The following CFHR5 variants were observed in gnomAD, a reference collection of about 807,000 sequenced individuals.
CFHR5 encodes complement factor H related 5.
A neutral mutation model predicts 62.9 loss-of-function variants in CFHR5; 73 were observed. The ratio of observed to expected loss-of-function variants is 1.16; its 90% CI spans 0.96 to 1.41. The LOEUF is 1.41. Among genes scored for constraint, CFHR5 ranks in the 40% most tolerant of loss-of-function variants. The pLI, the probability that CFHR5 is intolerant of heterozygous loss-of-function variation, is 0.00. For missense variants in CFHR5, 779 were observed against 679.9 expected (o/e 1.15, Z -1.62); for synonymous variants, 249 against 227.2 (o/e 1.10, Z -0.86).
upstream of CFHR5, among the ~76,000 whole-genome samples, chr1:196,975,931 G>T (rs1653386930): frequency 6.6e-6 from 1 of 152,102 alleles, no homozygotes; most frequent in South Asian, 2.1e-4. Flanking sequence ...ACAGTGATGA[G>T]CCATGGAATC....
chr1:197,002,627 T>C lies in CFHR5; in HGVS notation c.1293T>C (p.Cys431=). The change falls in exon 8 of 10, where the codon TGT becomes TGC. Residue 431 remains cysteine, a synonymous_variant. Transcript: ENST00000256785. ...TTCCAGAAGCAAAAGAAATTGTATG[T>C]AAAGATGGACGATGGCAATCATTAC... is the stretch of plus-strand genomic sequence containing the variant. ...YLLPEAKEIV[C]KDGRWQSLPR... 6.2e-7 allele frequency: 1 copy of C among 1,613,598 alleles called. No homozygotes were observed. Among genetic ancestry groups the C allele is most frequent in the Non-Finnish European group, 8.5e-7 (1 of 1,179,690 alleles).
intron 2 of CFHR5, 53 bp from the exon 3 acceptor site, chr1:196,983,908 T>G (rs181626516): frequency 8.0e-7 from 1 of 1,249,506 alleles, no homozygotes; most frequent in Non-Finnish European, 1.2e-6. Context: ...TATTTTTAAA[T>G]GCACTTTTTT....
chr1:196,981,055 G>A (rs566100697), intron 1 of CFHR5, among the ~76,000 whole-genome samples: 1 of 151,968 alleles, frequency 6.6e-6, no homozygotes, highest in South Asian at 2.1e-4. Flanking sequence ...GTTTCACAAG[G>A]TTAAATACCA....
At chr1:196,983,354 T>C (rs1365278437) in intron 2 of CFHR5, among the ~76,000 whole-genome samples, 6 of 152,224 alleles carry the variant, frequency 3.9e-5, no homozygotes, top group Admixed American at 2.6e-4. Context: ...AATAGTTCTT[T>C]ACTAATATTC....
chr1:196,986,668 T>TTCATCCATGACCCTGCAAAGGACAAGAAC (rs1653690593), intron 3 of CFHR5, among the ~76,000 whole-genome samples: 2 of 152,116 alleles, frequency 1.3e-5, no homozygotes, highest in African/African-American at 4.8e-5. Flanking sequence ...GGTTTCCAGG[T>TTCATCCATGACCCTGCAAAGGACAAGAAC]TCATCCATGA....
Position 196,998,151 on chromosome 1 carries a change from A to G in CFHR5, c.994A>G (p.Lys332Glu). The change falls in exon 7 of 10, where the codon AAA becomes GAA. Residue 332 changes from lysine to glutamate, a missense_variant. Transcript: ENST00000256785. ...AGCAACACACCAACTTAAGAGGTGC[A>G]AAATAGCAGGAGTTAATATAAAAAC... The part of the protein sequence containing the change: ...CVATHQLKRC[K>E]IAGVNIKTLL... The G allele has an allele frequency of 6.4e-7, 1 of 1,561,478 alleles. No homozygotes were observed. Among genetic ancestry groups the G allele is most frequent in the South Asian group, 1.2e-5 (1 of 84,904 alleles).
At chr1:197,008,376 TA>T (rs1654346661) in intron 9 of CFHR5, 110 bp from the exon 10 acceptor site, 1 of 524,266 alleles carries the variant, frequency 1.9e-6, no homozygotes, top group African/African-American at 2.0e-5. Flanking sequence ...TAAATATTAA[TA>T]TTTTTCATCA....
In CFHR5 at chr1:196,987,255, C is replaced by A. The variant is rs1487388362; in HGVS notation, c.430+3118C>A. Among the ~76,000 whole-genome samples, 12 of 152,266 alleles carry A rather than the reference C, an allele frequency of 7.9e-5. No individual in the cohort carries two copies. The South Asian group carries it at 1.7e-3, about 21-fold the overall frequency. On this transcript the variant is annotated intron_variant, in intron 3 of 9. Coordinates refer to ENST00000256785, the MANE Select transcript of CFHR5 (RefSeq NM_030787.4). ...TGTTTAAGTTCTTTGTAGATTCTGG[C>A]TATCAGCCCTTTATCAGATGGGTAG... is the stretch of plus-strand genomic sequence containing the variant.
In CFHR5 at chr1:197,006,718, A is replaced by G. The variant is rs1654298839; in HGVS notation, c.1514-1769A>G. On this transcript the variant is annotated intron_variant, in intron 9 of 9. Transcript: ENST00000256785. ...CAAGAGTGAAACTCCGTCAAAAAAAAAAAAAGATATAATTTTTTCCAAAAC... is the reference window on the plus strand; with the variant it reads ...CAAGAGTGAAACTCCGTCAAAAAAAGAAAAAGATATAATTTTTTCCAAAAC... Among the ~76,000 whole-genome samples, 7 of 152,098 alleles carry G rather than the reference A, an allele frequency of 4.6e-5. No homozygotes were observed. The South Asian group carries it at 1.2e-3, about 27-fold the overall frequency.
rs560032026 is a variant in CFHR5, at chr1:197,005,477, C to T, written c.1513+634C>T. ...TTTGTGGCATTAAAAAAATTAACAT[C>T]GTAGACTCCTTATGAAAATTTGGAG... On this transcript the variant is annotated intron_variant, in intron 9 of 9. Coordinates refer to ENST00000256785, the MANE Select transcript of CFHR5 (RefSeq NM_030787.4). Among the ~76,000 whole-genome samples, 11 of 152,168 alleles carry T rather than the reference C, an allele frequency of 7.2e-5. No homozygotes were observed. The East Asian group carries it at 1.9e-3, about 27-fold the overall frequency.
At chr1:197,001,080 C>T (rs1302639749) in intron 7 of CFHR5, among the ~76,000 whole-genome samples, 1 of 152,090 alleles carries the variant, frequency 6.6e-6, no homozygotes, top group East Asian at 1.9e-4. Context: ...CAACACTGAT[C>T]ACAAAAGACT....
chr1:196,986,204 G>A (rs1410921141), intron 3 of CFHR5, among the ~76,000 whole-genome samples: 1 of 152,060 alleles, frequency 6.6e-6, no homozygotes, highest in Non-Finnish European at 1.5e-5. Flanking sequence ...GGCACAGTCT[G>A]TTTATTCATG....
intron 3 of CFHR5, among the ~76,000 whole-genome samples, chr1:196,992,126 C>T (rs1023907028): frequency 6.6e-6 from 1 of 152,188 alleles, no homozygotes; most frequent in Non-Finnish European, 1.5e-5. Flanking sequence ...CAGGCTGCTG[C>T]CTCACAGGTC....
At chr1:197,000,680 G>T (rs1277173809) in intron 7 of CFHR5, among the ~76,000 whole-genome samples, 6 of 152,156 alleles carry the variant, frequency 3.9e-5, no homozygotes, top group Non-Finnish European at 8.8e-5. Context: ...GGTAACTGCT[G>T]AGTCCCTAGA....
chr1:196,975,209 G>C (rs7539363), upstream of CFHR5, among the ~76,000 whole-genome samples: 1,074 of 152,272 alleles, frequency 7.1e-3, 9 homozygotes, highest in African/African-American at 0.024. Flanking sequence ...ATTGGTGACT[G>C]TTACAAGAGG....
intron 4 of CFHR5, among the ~76,000 whole-genome samples, chr1:196,995,331 T>G (rs772596812): frequency 3.1e-5 from 4 of 130,914 alleles, no homozygotes; most frequent in Non-Finnish European, 7.4e-5. Context: ...TAAAAGATAT[T>G]TTGTATATGT....
chr1:196,999,683 G>GTATATATATATATATATATATA (rs35191504), intron 7 of CFHR5, among the ~76,000 whole-genome samples: 1 of 110,666 alleles, frequency 9.0e-6, no homozygotes, highest in Non-Finnish European at 1.7e-5. Context: ...TTGGGAAAAA[G>GTATATATATATATATATATATA]TATATATATA....
rs371508055 is a variant in CFHR5, at chr1:196,986,407, A to G, written c.430+2270A>G. Among the ~76,000 whole-genome samples, 73 of 152,180 alleles carry G rather than the reference A, an allele frequency of 4.8e-4. 1 individual carries two copies. The East Asian group carries it at 7.5e-3, about 16-fold the overall frequency. On this transcript the variant is annotated intron_variant, in intron 3 of 9. Transcript: ENST00000256785. ...ATATATACTTTAAGTTCTAGGGTAC[A>G]TGCGCACAACATGCAGGTTTGTTAC...
chr1:196,994,061 C>T lies in CFHR5; in HGVS notation c.431-19C>T. The T allele has an allele frequency of 6.3e-7, 1 of 1,589,070 alleles. No homozygotes were observed. The highest frequency in any genetic ancestry group is 8.6e-7 in the Non-Finnish European group (1 of 1,158,562). ...TCTGCAATGAAAATTCACATATGTT[C>T]ATTTAATTTTATTTTTAGAAGGAGA... On this transcript the variant is annotated intron_variant, in intron 3 of 9. Coordinates refer to ENST00000256785, the MANE Select transcript of CFHR5 (RefSeq NM_030787.4).
Sources: gnomAD v4.1 joint callset for allele counts (sites outside exome capture counted in the v4.1 genomes callset) on GRCh38, gnomAD v4.1.1 for gene constraint, MANE v1.5 for transcripts, NCBI Gene and HGNC (gene_info 2026-07-23, HGNC 2026-07-21) for gene names.